The following GRIK4 variants were observed in gnomAD, a reference collection of about 807,000 sequenced individuals.
GRIK4 encodes the protein glutamate receptor ionotropic, kainate 4.
A neutral mutation model predicts 104.9 loss-of-function variants in GRIK4; 40 were observed. That is an observed-to-expected ratio of 0.38 (90% CI 0.30 to 0.50). The LOEUF is 0.50. GRIK4 is among the 20% of genes least tolerant of loss of function. The probability of loss-of-function intolerance (pLI) is 0.93; values close to 1 mark genes in which losing one functional copy is unlikely to be tolerated. For missense variants in GRIK4, 1,047 were observed against 1,308.1 expected, an observed-to-expected ratio of 0.80 and a Z score of 3.08; for synonymous variants, 485 against 524.9, an observed-to-expected ratio of 0.92 and a Z score of 1.04.
chr11:120,518,773 C>T (rs1358420582), intron 1 of GRIK4, among the ~76,000 whole-genome samples: 1 of 152,124 alleles, frequency 6.6e-6, no homozygotes, highest in Non-Finnish European at 1.5e-5. Flanking sequence ...TGCCCAATAC[C>T]ACCCCCGGCT....
chr11:120,721,312 T>A (rs1334126103), intron 3 of GRIK4, among the ~76,000 whole-genome samples: 1 of 152,172 alleles, frequency 6.6e-6, no homozygotes, highest in Non-Finnish European at 1.5e-5. Context: ...ACATGATTGA[T>A]GACCTTTGAG....
At chr11:120,682,890 T>G (rs1950220061) in intron 3 of GRIK4, among the ~76,000 whole-genome samples, 1 of 152,006 alleles carries the variant, frequency 6.6e-6, no homozygotes, top group Non-Finnish European at 1.5e-5. Context: ...GTCACTACAC[T>G]TAGAAGGCTT....
At chr11:120,610,116 G>A (rs1949015655) in intron 1 of GRIK4, among the ~76,000 whole-genome samples, 1 of 152,026 alleles carries the variant, frequency 6.6e-6, no homozygotes, top group South Asian at 2.1e-4. Flanking sequence ...TGTTTTTATG[G>A]CGATGCTCGG....
At chr11:120,890,725 C>G (rs964059927) in intron 11 of GRIK4, among the ~76,000 whole-genome samples, 1 of 152,168 alleles carries the variant, frequency 6.6e-6, no homozygotes. Flanking sequence ...TCCATTAAGC[C>G]TACATTTCTC....
At chr11:120,691,354 C>T (rs1950359988) in intron 3 of GRIK4, among the ~76,000 whole-genome samples, 1 of 152,036 alleles carries the variant, frequency 6.6e-6, no homozygotes, top group South Asian at 2.1e-4. Flanking sequence ...GACACCAGGC[C>T]CCTGCGATGT....
rs1942783361 is a variant in GRIK4, at chr11:120,903,230, TC to T, written c.1273-2056del. 6.6e-6 allele frequency among the ~76,000 whole-genome samples: 1 copy of T among 151,994 alleles called. No individual in the cohort carries two copies. The highest frequency in any genetic ancestry group is 2.4e-5 in the African/African-American group (1 of 41,360). On this transcript the variant is annotated intron_variant, in intron 12 of 20. Transcript: ENST00000527524. This position sits in a 1 kb window ranked among gnomAD's most constrained non-coding sequence, Gnocchi z 4.4. ...CCCAGCTGCCTGTCTGCATCCAGCC[TC>T]CCCTCTGCAGCCGGGCCTTGGTAAT...
intron 2 of GRIK4, among the ~76,000 whole-genome samples, chr11:120,658,130 T>G (rs1053660779): frequency 6.6e-6 from 1 of 151,526 alleles, no homozygotes. Flanking sequence ...ATTCTGTCTC[T>G]AGAATGTGTA....
In GRIK4 at chr11:120,822,232, A is replaced by AAAAAG. The variant is rs796180829; in HGVS notation, c.511+2315_511+2316insAGAAA. Among the ~76,000 whole-genome samples, 96 of 147,158 alleles carry AAAAAG rather than the reference A, an allele frequency of 6.5e-4. 1 individual carries two copies. Among genetic ancestry groups the AAAAAG allele is most frequent in the African/African-American group, 1.6e-3 (61 of 37,290 alleles). ...ATCTCAAAAAAAAAAAAAAAAAAAA[A>AAAAAG]AAAGACAGTAAAATGATAATTGAGG... On this transcript the variant is annotated intron_variant, in intron 6 of 20. Coordinates refer to ENST00000527524, the MANE Select transcript of GRIK4 (RefSeq NM_014619.5).
At chr11:120,795,533 C>T (rs916174773) in intron 3 of GRIK4, among the ~76,000 whole-genome samples, 1 of 152,222 alleles carries the variant, frequency 6.6e-6, no homozygotes, top group Non-Finnish European at 1.5e-5. Context: ...ATTCACTCAA[C>T]AACCATTCAT....
At chr11:120,821,587 G>A (rs1463210545) in intron 6 of GRIK4, among the ~76,000 whole-genome samples, 1 of 152,208 alleles carries the variant, frequency 6.6e-6, no homozygotes, top group African/African-American at 2.4e-5. Flanking sequence ...GTGCCCTTGT[G>A]GAACAACTGG....
chr11:120,692,233 C>G (rs1950377580), intron 3 of GRIK4, among the ~76,000 whole-genome samples: 1 of 152,172 alleles, frequency 6.6e-6, no homozygotes, highest in Middle Eastern at 3.2e-3. Flanking sequence ...TGGGGCAGGC[C>G]CAAGGAAAGC....
At chr11:120,625,261 G>A (rs985923985) in intron 1 of GRIK4, among the ~76,000 whole-genome samples, 10 of 152,122 alleles carry the variant, frequency 6.6e-5, no homozygotes, top group African/African-American at 2.4e-4. Flanking sequence ...GCGACAGAGT[G>A]ACTTAAGTTT....
intron 13 of GRIK4, among the ~76,000 whole-genome samples, chr11:120,916,557 C>T (rs1009440065): frequency 6.6e-6 from 1 of 152,176 alleles, no homozygotes; most frequent in Non-Finnish European, 1.5e-5. Context: ...CTAGGAATCT[C>T]TAGTCTGAAA....
At chr11:120,936,527 C>T (rs999079756) in intron 13 of GRIK4, 1 of 168,742 alleles carries the variant, frequency 5.9e-6, no homozygotes, top group African/African-American at 2.4e-5. Flanking sequence ...CTGAGTACTT[C>T]TGAGAAAACT....
chr11:120,724,757 T>A, intron 3 of GRIK4, among the ~76,000 whole-genome samples: 1 of 152,260 alleles, frequency 6.6e-6, no homozygotes, highest in East Asian at 1.9e-4. Flanking sequence ...TCCATTAATG[T>A]AACTACTAAG....
chr11:120,682,552 C>A (rs1181190909), intron 3 of GRIK4, among the ~76,000 whole-genome samples: 2 of 151,756 alleles, frequency 1.3e-5, no homozygotes, highest in Non-Finnish European at 1.5e-5. Context: ...CGTATCCATG[C>A]ATGCTCTTGT....
At chr11:120,547,822 A>G (rs1049135335) in intron 1 of GRIK4, among the ~76,000 whole-genome samples, 1 of 152,184 alleles carries the variant, frequency 6.6e-6, no homozygotes, top group African/African-American at 2.4e-5. Flanking sequence ...TATTTTTTAT[A>G]AGAATCTGTT....
Position 120,819,681 on chromosome 11 carries a change from G to C in GRIK4, c.346-74G>C. 1 of 1,412,546 alleles carries C rather than the reference G, an allele frequency of 7.1e-7. No individual in the cohort carries two copies. The highest frequency in any genetic ancestry group is 1.0e-6 in the Non-Finnish European group (1 of 1,000,518). 87.5% of individuals were successfully genotyped at this position (1,412,546 alleles called of 1,614,324 possible). On this transcript the variant is annotated intron_variant, in intron 5 of 20. Coordinates refer to ENST00000527524, the MANE Select transcript of GRIK4 (RefSeq NM_014619.5). The surrounding 1 kb of genome is among the most constrained non-coding windows in gnomAD (Gnocchi z 4.3). ...AAAGAACTCACCCTCCACAACCTCA[G>C]CTCACTCATCCCTCTTTCTTCCTTT...
At chr11:120,804,277 C>G (rs11821328) in intron 4 of GRIK4, among the ~76,000 whole-genome samples, 2,264 of 152,344 alleles carry the variant, frequency 0.015, 55 homozygotes, top group African/African-American at 0.052. Flanking sequence ...ACAACTTGCT[C>G]AAATACATCT....
Sources: allele counts gnomAD v4.1 joint callset (sites outside exome capture counted in the v4.1 genomes callset), GRCh38; gene constraint gnomAD v4.1.1; non-coding constraint Gnocchi (gnomAD v3.1); transcripts MANE v1.5; gene names NCBI Gene and HGNC (gene_info 2026-07-23, HGNC 2026-07-21).